The following KCNH8 variants were observed in gnomAD, a reference collection of about 807,000 sequenced individuals.
KCNH8 encodes potassium voltage-gated channel subfamily H member 8.
A neutral mutation model predicts 103.6 loss-of-function variants in KCNH8; 70 were observed. That is an observed-to-expected ratio of 0.68 (90% CI 0.56 to 0.82). The LOEUF (loss-of-function observed/expected upper bound fraction) is 0.82. Among genes scored for constraint, KCNH8 ranks in the 40% least tolerant of loss-of-function variants. The probability of loss-of-function intolerance (pLI) is 0.00; values close to 1 mark genes in which losing one functional copy is unlikely to be tolerated. For missense variants in KCNH8, 1,217 were observed against 1,329.9 expected (o/e 0.92, Z 1.32); for synonymous variants, 498 against 489.4 (o/e 1.02, Z -0.23).
chr3:19,331,249 TTTTATTTATTTATTTA>T (rs71055062), intron 3 of KCNH8, among the ~76,000 whole-genome samples: 7 of 144,610 alleles, frequency 4.8e-5, no homozygotes, highest in Admixed American at 2.8e-4. Flanking sequence ...CTTTAATTAT[TTTTATTTATTTATTTA>T]TTTATTTATT....
At chr3:19,233,472 TAAA>T (rs2064020870) in intron 1 of KCNH8, among the ~76,000 whole-genome samples, 1 of 152,180 alleles carries the variant, frequency 6.6e-6, no homozygotes, top group Non-Finnish European at 1.5e-5. Context: ...GGAAAGAAGT[TAAA>T]TATTCTTTCA....
In KCNH8 at chr3:19,498,781, G is replaced by C. The variant is rs192367320; in HGVS notation, c.2041-11582G>C. On this transcript the variant is annotated intron_variant, in intron 11 of 15. Coordinates refer to ENST00000328405, the MANE Select transcript of KCNH8 (RefSeq NM_144633.3). ...TTTGGTGTGGATGTCCTTTCTGTTTGTTAGTTTTCCTTCTAACAGACAGGA... is the reference window on the plus strand; with the variant it reads ...TTTGGTGTGGATGTCCTTTCTGTTTCTTAGTTTTCCTTCTAACAGACAGGA... Among the ~76,000 whole-genome samples the C allele has an allele frequency of 2.0e-4, 30 of 152,240 alleles. No homozygotes were observed. In the South Asian group the frequency reaches 2.1e-3, roughly 11 times the overall value.
chr3:19,503,900 C>T (rs145066658), intron 11 of KCNH8, among the ~76,000 whole-genome samples: 1,979 of 151,816 alleles, frequency 0.013, 43 homozygotes, highest in African/African-American at 0.046. Flanking sequence ...GCACATTGTG[C>T]ACAGGTACCC....
intron 3 of KCNH8, among the ~76,000 whole-genome samples, chr3:19,287,335 A>G (rs2064845779): frequency 6.6e-6 from 1 of 152,124 alleles, no homozygotes; most frequent in Non-Finnish European, 1.5e-5. Context: ...AGATGTGCCC[A>G]TTGGGTTTTT....
intron 5 of KCNH8, among the ~76,000 whole-genome samples, chr3:19,356,503 G>C (rs1161207795): frequency 6.6e-6 from 1 of 151,934 alleles, no homozygotes; most frequent in Non-Finnish European, 1.5e-5. Flanking sequence ...TCTTTTGTAA[G>C]CCACATTAAT....
At chr3:19,261,297 G>T (rs970657492) in intron 2 of KCNH8, among the ~76,000 whole-genome samples, 2 of 151,666 alleles carry the variant, frequency 1.3e-5, no homozygotes, top group Admixed American at 1.3e-4. Context: ...CCATCCTAAT[G>T]GTGTGAGATG....
chr3:19,400,914 G>T (rs1250822990), intron 7 of KCNH8, among the ~76,000 whole-genome samples: 3 of 151,792 alleles, frequency 2.0e-5, no homozygotes, highest in Non-Finnish European at 4.4e-5. Context: ...CTTTTTCAGG[G>T]TTTACATAAA....
chr3:19,285,039 T>C (rs886695648), intron 3 of KCNH8, among the ~76,000 whole-genome samples: 1 of 151,896 alleles, frequency 6.6e-6, no homozygotes, highest in African/African-American at 2.4e-5. Context: ...TTCACAGGGC[T>C]GAGAACGGAG....
chr3:19,282,893 A>G (rs1275250973), intron 3 of KCNH8, among the ~76,000 whole-genome samples: 1 of 152,158 alleles, frequency 6.6e-6, no homozygotes, highest in Non-Finnish European at 1.5e-5. Flanking sequence ...TTTTGATGAA[A>G]CTAATAAAGG....
intron 7 of KCNH8, among the ~76,000 whole-genome samples, chr3:19,423,087 T>A (rs1441863963): frequency 6.6e-6 from 1 of 152,078 alleles, no homozygotes; most frequent in African/African-American, 2.4e-5. Flanking sequence ...AAGGATTGAA[T>A]GCCAGCAACC....
chr3:19,251,972 A>T (rs908390460), intron 1 of KCNH8, among the ~76,000 whole-genome samples: 2 of 152,162 alleles, frequency 1.3e-5, no homozygotes, highest in African/African-American at 4.8e-5. Flanking sequence ...TTAACAGCTT[A>T]TCCTGTAGTT....
At chr3:19,353,196 T>C (rs892792322) in intron 5 of KCNH8, among the ~76,000 whole-genome samples, 1 of 152,026 alleles carries the variant, frequency 6.6e-6, no homozygotes, top group Non-Finnish European at 1.5e-5. Flanking sequence ...AGAAGTTGAA[T>C]CCCTGAATAG....
chr3:19,458,506 C>T (rs2067569221), intron 11 of KCNH8, among the ~76,000 whole-genome samples: 1 of 151,780 alleles, frequency 6.6e-6, no homozygotes, highest in African/African-American at 2.4e-5. Context: ...TCGTGGCATA[C>T]AAAATGATGT....
intron 7 of KCNH8, among the ~76,000 whole-genome samples, chr3:19,406,765 T>G (rs979221415): frequency 6.6e-6 from 1 of 152,154 alleles, no homozygotes; most frequent in Admixed American, 6.6e-5. Flanking sequence ...TCCCTAATTT[T>G]ACTTGATTGT....
At chr3:19,340,486 A>T (rs1320380759) in intron 3 of KCNH8, among the ~76,000 whole-genome samples, 1 of 151,984 alleles carries the variant, frequency 6.6e-6, no homozygotes, top group African/African-American at 2.4e-5. Context: ...ATTAGGATTC[A>T]ATTTATTTAG....
At chr3:19,309,891 C>CT (rs1245447326) in intron 3 of KCNH8, among the ~76,000 whole-genome samples, 9 of 152,022 alleles carry the variant, frequency 5.9e-5, no homozygotes, top group Non-Finnish European at 1.3e-4. Context: ...TGGCACAGGG[C>CT]TCAATTCATT....
intron 3 of KCNH8, among the ~76,000 whole-genome samples, chr3:19,334,518 TA>T (rs2065555864): frequency 6.6e-6 from 1 of 152,104 alleles, no homozygotes; most frequent in Non-Finnish European, 1.5e-5. Context: ...TACATATATA[TA>T]TGATGTATAT....
At chr3:19,499,026 A>T (rs1156614442) in intron 11 of KCNH8, among the ~76,000 whole-genome samples, 1 of 152,174 alleles carries the variant, frequency 6.6e-6, no homozygotes, top group East Asian at 1.9e-4. Context: ...AAAGGAAAAG[A>T]AGTTGAGAAC....
At chr3:19,506,238 T>C (rs1376807378) in intron 11 of KCNH8, among the ~76,000 whole-genome samples, 1 of 152,176 alleles carries the variant, frequency 6.6e-6, no homozygotes, top group Non-Finnish European at 1.5e-5. Flanking sequence ...CTCTGGCTTT[T>C]TGAGCTCCCA....
Sources: gnomAD v4.1 joint callset for allele counts (sites outside exome capture counted in the v4.1 genomes callset) on GRCh38, gnomAD v4.1.1 for gene constraint, MANE v1.5 for transcripts, NCBI Gene and HGNC (gene_info 2026-07-23, HGNC 2026-07-21) for gene names.